Variants in TMEM232 observed in about 807,000 individuals in gnomAD.
TMEM232 encodes transmembrane protein 232.
A neutral mutation model predicts 78.8 loss-of-function variants in TMEM232; 80 were observed. The ratio of observed to expected loss-of-function variants is 1.01; its 90% confidence interval spans 0.85 to 1.22. The LOEUF is 1.22. Among genes scored for constraint, TMEM232 ranks in the 50% most tolerant of loss-of-function variants. The probability of loss-of-function intolerance (pLI) is 0.00; values close to 1 mark genes in which losing one functional copy is unlikely to be tolerated. For missense variants in TMEM232, 881 were observed against 742.2 expected (o/e 1.19, Z -2.17); for synonymous variants, 297 against 254.3 (o/e 1.17, Z -1.60).
chr5:110,641,054 T>G, intron 3 of TMEM232, 58 bp from the exon 4 acceptor site: 1 of 1,109,922 alleles, frequency 9.0e-7, no homozygotes, highest in Middle Eastern at 2.6e-4. Context: ...TATATATATA[T>G]TTATTTTTAA....
chr5:110,605,769 A>T (rs1209086397), intron 9 of TMEM232, among the ~76,000 whole-genome samples: 2 of 152,108 alleles, frequency 1.3e-5, no homozygotes, highest in Non-Finnish European at 2.9e-5. Flanking sequence ...AAACTCTGAA[A>T]GAAACTTCAC....
intron 11 of TMEM232, among the ~76,000 whole-genome samples, chr5:110,552,233 T>C (rs932728491): frequency 2.0e-5 from 3 of 152,068 alleles, no homozygotes; most frequent in African/African-American, 4.8e-5. Flanking sequence ...AGGAGGCATA[T>C]TGCAATTCTG....
At chr5:110,391,649 A>C (rs1755201232) in intron 3 of TMEM232, among the ~76,000 whole-genome samples, 1 of 152,186 alleles carries the variant, frequency 6.6e-6, no homozygotes, top group Non-Finnish European at 1.5e-5. Flanking sequence ...TTATGGACTA[A>C]AGCATATTTA....
At chr5:110,598,851 G>C (rs559318009) in intron 10 of TMEM232, among the ~76,000 whole-genome samples, 1 of 128,394 alleles carries the variant, frequency 7.8e-6, no homozygotes, top group Non-Finnish European at 1.6e-5. Flanking sequence ...TCACATTCTG[G>C]GGACTGTTGT....
rs17132193 is a variant in TMEM232, at chr5:110,528,782, T to C, written c.1509A>G (p.Ser503=). 0.027 allele frequency: 41,883 copies of C among 1,533,162 alleles called. 2,269 individuals carry two copies. Among genetic ancestry groups the C allele is most frequent in the East Asian group, 0.26 (10,589 of 40,758 alleles). 95.0% of individuals were successfully genotyped at this position (1,533,162 alleles called of 1,614,324 possible). A position where few individuals can be genotyped will look rare whatever the true frequency, so the allele number is the denominator to read the frequency against. The change falls in exon 12 of 14, where the codon TCA becomes TCG. Residue 503 remains serine, a synonymous_variant. Coordinates refer to ENST00000455884, the MANE Select transcript of TMEM232 (RefSeq NM_001039763.4). ...DPFTRYSTNI[S]SNVGEEVFSK... Reference sequence around the variant, plus strand: ...AGAAAACTTCTTCTCCTACATTTGATGAAATATTTGTACTATATCTAGTGA... The same window carrying C: ...AGAAAACTTCTTCTCCTACATTTGACGAAATATTTGTACTATATCTAGTGA...
intron 5 of TMEM232, among the ~76,000 whole-genome samples, chr5:110,633,567 G>C (rs1399797542): frequency 6.6e-6 from 1 of 152,112 alleles, no homozygotes; most frequent in African/African-American, 2.4e-5. Flanking sequence ...GTGATAATGA[G>C]TGAGTTCTCA....
downstream of TMEM232, chr5:110,417,762 G>C (rs1445401523): frequency 6.6e-6 from 1 of 151,620 alleles, no homozygotes; most frequent in Non-Finnish European, 1.5e-5. Flanking sequence ...TATTTAACTA[G>C]TGTCTTTCAT....
At chr5:110,626,289 A>G (rs1784417816) in intron 6 of TMEM232, among the ~76,000 whole-genome samples, 1 of 152,064 alleles carries the variant, frequency 6.6e-6, no homozygotes, top group South Asian at 2.1e-4. Flanking sequence ...AATCATCTGA[A>G]TATTTGGTAA....
intron 10 of TMEM232, among the ~76,000 whole-genome samples, chr5:110,603,231 C>A (rs146543954): frequency 6.6e-6 from 1 of 151,904 alleles, no homozygotes; most frequent in African/African-American, 2.4e-5. Flanking sequence ...AAAACCACCA[C>A]GGCACATGTA....
chr5:110,628,018 T>C, intron 5 of TMEM232, 138 bp from the exon 6 acceptor site: 1 of 671,272 alleles, frequency 1.5e-6, no homozygotes, highest in Non-Finnish European at 2.5e-6. Flanking sequence ...TATGTGGTTT[T>C]TAAATAACAT....
chr5:110,637,578 T>C (rs961701297), intron 5 of TMEM232, among the ~76,000 whole-genome samples: 6 of 140,824 alleles, frequency 4.3e-5, no homozygotes, highest in African/African-American at 1.9e-4. Flanking sequence ...TATATGTGTA[T>C]ATATATATAT....
At chr5:110,508,110 GA>G (rs34910719) in intron 12 of TMEM232, among the ~76,000 whole-genome samples, 2 of 151,252 alleles carry the variant, frequency 1.3e-5, no homozygotes, top group Non-Finnish European at 3.0e-5. Context: ...TTTCATGAAG[GA>G]AAAAAAACCC....
intron 11 of TMEM232, among the ~76,000 whole-genome samples, chr5:110,551,482 C>G (rs949205833): frequency 6.6e-6 from 1 of 152,120 alleles, no homozygotes. Flanking sequence ...CTCAGCCTCC[C>G]AAAGTGCTGG....
At chr5:110,518,117 A>G (rs900236015) in intron 12 of TMEM232, among the ~76,000 whole-genome samples, 1 of 134,036 alleles carries the variant, frequency 7.5e-6, no homozygotes, top group South Asian at 2.3e-4. Flanking sequence ...TATTTCCTCT[A>G]TGTCTACTCT....
intron 2 of TMEM232, among the ~76,000 whole-genome samples, chr5:110,412,312 T>C (rs974304657): frequency 4.6e-5 from 7 of 152,166 alleles, no homozygotes; most frequent in African/African-American, 1.2e-4. Flanking sequence ...CCCTTGAAAA[T>C]ATCATAAAGG....
intron 12 of TMEM232, among the ~76,000 whole-genome samples, chr5:110,512,004 C>T (rs2149473671): frequency 6.6e-6 from 1 of 152,212 alleles, no homozygotes; most frequent in Admixed American, 6.6e-5. Context: ...TGAACCCTCC[C>T]TACCAGTACA....
intron 10 of TMEM232, among the ~76,000 whole-genome samples, chr5:110,586,549 T>C (rs1778836801): frequency 6.7e-6 from 1 of 149,366 alleles, no homozygotes; most frequent in African/African-American, 2.5e-5. Flanking sequence ...ATAGAAGGCA[T>C]ATTTCCATAC....
chr5:110,596,553 C>A (rs1780193134), intron 10 of TMEM232, among the ~76,000 whole-genome samples: 1 of 152,158 alleles, frequency 6.6e-6, no homozygotes, highest in Admixed American at 6.6e-5. Context: ...TGGGCAGAGA[C>A]ACCACAAATA....
intron 10 of TMEM232, among the ~76,000 whole-genome samples, chr5:110,575,306 T>C (rs1777452351): frequency 6.6e-6 from 1 of 152,056 alleles, no homozygotes; most frequent in African/African-American, 2.4e-5. Context: ...TATATGCCCA[T>C]ATTTTGTTGT....
Sources: gnomAD v4.1 joint callset for allele counts (sites outside exome capture counted in the v4.1 genomes callset) on GRCh38, gnomAD v4.1.1 for gene constraint, MANE v1.5 for transcripts, NCBI Gene and HGNC (gene_info 2026-07-23, HGNC 2026-07-21) for gene names.